Variants in EFL1 observed in about 807,000 individuals in gnomAD.
EFL1 encodes the protein elongation factor-like GTPase 1.
A neutral mutation model predicts 126.7 loss-of-function variants in EFL1; 76 were observed. That is an observed-to-expected ratio of 0.60 (90% CI 0.50 to 0.73). EFL1 has a LOEUF of 0.73. Among genes scored for constraint, EFL1 ranks in the 30% least tolerant of loss-of-function variants. The pLI is 0.00. For synonymous variants in EFL1, 410 were observed against 448.4 expected (o/e 0.91, Z 1.08); for missense variants, 1,128 against 1,343.2 (o/e 0.84, Z 2.50).
chr15:82,211,618 A>ACACACACACACACACACACACACACC (rs2074591277), intron 15 of EFL1, among the ~76,000 whole-genome samples: 1 of 146,428 alleles, frequency 6.8e-6, no homozygotes, highest in African/African-American at 2.5e-5. Context: ...ACACACACAC[A>ACACACACACACACACACACACACACC]CTAGACTCTC....
At chr15:82,192,925 T>C (rs1276352805) in intron 15 of EFL1, among the ~76,000 whole-genome samples, 1 of 152,168 alleles carries the variant, frequency 6.6e-6, no homozygotes, top group African/African-American at 2.4e-5. Context: ...GGAAAAACTA[T>C]GGAAGGCTAT....
intron 3 of EFL1, among the ~76,000 whole-genome samples, chr15:82,253,203 C>T (rs993735451): frequency 2.6e-5 from 4 of 152,090 alleles, no homozygotes; most frequent in Non-Finnish European, 4.4e-5. Context: ...ACACACCTGG[C>T]TAATTTTTGT....
intron 15 of EFL1, among the ~76,000 whole-genome samples, chr15:82,212,837 G>A (rs747955130): frequency 1.3e-5 from 2 of 152,188 alleles, no homozygotes; most frequent in Middle Eastern, 3.2e-3. Context: ...TTACAAAAAT[G>A]AGCATATATA....
intron 15 of EFL1, among the ~76,000 whole-genome samples, chr15:82,169,871 A>G (rs1047255693): frequency 1.3e-5 from 2 of 152,224 alleles, no homozygotes; most frequent in Non-Finnish European, 2.9e-5. Context: ...ACATAAGCAC[A>G]GTTGCGGTCT....
intron 15 of EFL1, among the ~76,000 whole-genome samples, chr15:82,200,515 T>C (rs1479886915): frequency 6.6e-6 from 1 of 152,144 alleles, no homozygotes; most frequent in Non-Finnish European, 1.5e-5. Flanking sequence ...GACTGGACCA[T>C]GGCACAGAGA....
intron 17 of EFL1, among the ~76,000 whole-genome samples, chr15:82,156,639 TA>T (rs2073970942): frequency 6.7e-6 from 1 of 148,530 alleles, no homozygotes; most frequent in Admixed American, 6.6e-5. Context: ...TAGTTACTAC[TA>T]CCACCGATTT....
At chr15:82,186,900 A>T (rs75884951) in intron 15 of EFL1, among the ~76,000 whole-genome samples, 11 of 152,062 alleles carry the variant, frequency 7.2e-5, no homozygotes, top group Non-Finnish European at 1.5e-5. Flanking sequence ...GCGCCTCAAT[A>T]ATTCAGGCGC....
At chr15:82,199,526 C>G (rs1171316634) in intron 15 of EFL1, among the ~76,000 whole-genome samples, 2 of 152,208 alleles carry the variant, frequency 1.3e-5, no homozygotes, top group Non-Finnish European at 2.9e-5. Flanking sequence ...TCAAAAGAAA[C>G]TAGTGCTGGG....
chr15:82,139,949 A>T (rs1010257923), intron 18 of EFL1, among the ~76,000 whole-genome samples: 3 of 152,212 alleles, frequency 2.0e-5, no homozygotes, highest in Non-Finnish European at 4.4e-5. Flanking sequence ...TCTGACTTCC[A>T]AACTTTTCTC....
At chr15:82,191,126 T>C (rs535317575) in intron 15 of EFL1, among the ~76,000 whole-genome samples, 24 of 152,216 alleles carry the variant, frequency 1.6e-4, no homozygotes, top group African/African-American at 5.8e-4. Context: ...CTTTGTCCCA[T>C]CTTTTCTCCT....
At chr15:82,225,042 T>G in intron 12 of EFL1, 123 bp downstream of exon 12, 1 of 611,388 alleles carries the variant, frequency 1.6e-6, no homozygotes, top group South Asian at 2.8e-5. Context: ...GGGGTTGGCT[T>G]GATATGAATT....
At chr15:82,237,961 G>A (rs1466924358) in intron 7 of EFL1, among the ~76,000 whole-genome samples, 4 of 152,130 alleles carry the variant, frequency 2.6e-5, no homozygotes, top group African/African-American at 9.7e-5. Context: ...CCCTTGAAAT[G>A]AGAAATTTGG....
intron 15 of EFL1, among the ~76,000 whole-genome samples, chr15:82,189,951 A>T (rs2074341368): frequency 6.6e-6 from 1 of 152,036 alleles, no homozygotes; most frequent in South Asian, 2.1e-4. Flanking sequence ...CCCCGTCTCT[A>T]CTAAAAATAC....
At chr15:82,173,964 C>A (rs1371336476) in intron 15 of EFL1, among the ~76,000 whole-genome samples, 1 of 151,954 alleles carries the variant, frequency 6.6e-6, no homozygotes, top group Non-Finnish European at 1.5e-5. Context: ...CCGAAGCAGG[C>A]GGATCACGAG....
chr15:82,255,321 C>T (rs1352238862), intron 3 of EFL1, among the ~76,000 whole-genome samples: 1 of 152,140 alleles, frequency 6.6e-6, no homozygotes, highest in African/African-American at 2.4e-5. Context: ...ATTGCCTATA[C>T]AAGGCTTTTG....
intron 4 of EFL1, among the ~76,000 whole-genome samples, chr15:82,244,290 C>T (rs749730551): frequency 6.6e-6 from 1 of 152,022 alleles, no homozygotes; most frequent in Non-Finnish European, 1.5e-5. Context: ...ACCACTTTTG[C>T]GTGTGTGTGA....
chr15:82,196,334 T>G (rs1567059041), intron 15 of EFL1, among the ~76,000 whole-genome samples: 2 of 152,194 alleles, frequency 1.3e-5, no homozygotes, highest in Non-Finnish European at 2.9e-5. Flanking sequence ...ACCCAGCCTC[T>G]CTGTGAGTCT....
chr15:82,214,443 C>T (rs368957097), intron 15 of EFL1, among the ~76,000 whole-genome samples: 38 of 152,112 alleles, frequency 2.5e-4, no homozygotes, highest in African/African-American at 8.4e-4. Flanking sequence ...AGGAATTTCC[C>T]CTCTCGCTCT....
intron 16 of EFL1, among the ~76,000 whole-genome samples, chr15:82,159,176 G>A (rs555772759): frequency 1.3e-5 from 2 of 152,176 alleles, no homozygotes; most frequent in East Asian, 3.9e-4. Context: ...TAATTAAGTG[G>A]ATTTTCAGAT....
Sources: gnomAD v4.1 joint callset for allele counts (sites outside exome capture counted in the v4.1 genomes callset) on GRCh38, gnomAD v4.1.1 for gene constraint, MANE v1.5 for transcripts, NCBI Gene and HGNC (gene_info 2026-07-23, HGNC 2026-07-21) for gene names.